Variants in CNTNAP5 observed in about 807,000 individuals in gnomAD.
CNTNAP5 encodes contactin-associated protein-like 5.
CNTNAP5 carries 72 observed loss-of-function variants against 150.2 expected under a neutral mutation model. The observed-to-expected ratio is 0.48, with a 90% CI of 0.40 to 0.58. The LOEUF (loss-of-function observed/expected upper bound fraction) is 0.58. CNTNAP5 is among the 20% of genes least tolerant of loss of function. CNTNAP5 has a pLI of 0.00. For missense variants in CNTNAP5, 1,636 were observed against 1,626.2 expected, an observed-to-expected ratio of 1.01 and a Z score of -0.10; for synonymous variants, 672 against 619.8, an observed-to-expected ratio of 1.08 and a Z score of -1.25.
intron 4 of CNTNAP5, among the ~76,000 whole-genome samples, chr2:124,430,204 A>G (rs1001480398): frequency 6.6e-6 from 1 of 152,152 alleles, no homozygotes; most frequent in African/African-American, 2.4e-5. Context: ...TGGGCAGCGC[A>G]TGGGAAAGAG....
chr2:124,842,769 G>A (rs1478869155), intron 19 of CNTNAP5, among the ~76,000 whole-genome samples: 2 of 152,094 alleles, frequency 1.3e-5, no homozygotes, highest in Non-Finnish European at 2.9e-5. Context: ...GAGTTTTCAA[G>A]GTTGTTTTTG....
intron 1 of CNTNAP5, among the ~76,000 whole-genome samples, chr2:124,217,255 T>C (rs894075342): frequency 2.0e-5 from 3 of 152,166 alleles, no homozygotes; most frequent in Non-Finnish European, 4.4e-5. Flanking sequence ...CAAATACCTA[T>C]CTTCAGACCC....
intron 3 of CNTNAP5, among the ~76,000 whole-genome samples, chr2:124,335,878 C>T (rs1689454874): frequency 6.6e-6 from 1 of 151,986 alleles, no homozygotes; most frequent in Admixed American, 6.6e-5. Context: ...CACCTTCTAC[C>T]TCACCCTCTG....
At chr2:124,770,606 T>C (rs948713173) in intron 16 of CNTNAP5, among the ~76,000 whole-genome samples, 13 of 152,224 alleles carry the variant, frequency 8.5e-5, no homozygotes, top group Non-Finnish European at 1.8e-4. Flanking sequence ...TGTGCAGGGC[T>C]GCCAGGTGGC....
rs939755754 is a variant in CNTNAP5, at chr2:124,025,544, G to T, written c.-107G>T. 9 of 907,778 alleles carry T rather than the reference G, an allele frequency of 9.9e-6. No homozygotes were observed. The African/African-American group carries it at 1.3e-4, about 13-fold the overall frequency. The allele number at this position is 907,778 out of a possible 1,614,324, so 56.2% of individuals were successfully genotyped here. A position where few individuals can be genotyped will look rare whatever the true frequency, so the allele number is the denominator to read the frequency against. ...AAGAGCGAGTGCCTCTCCAAGCGGG[G>T]GTGGGAGGGGGTCAGGCTGTGCAGA... On this transcript the variant is annotated 5_prime_UTR_variant, in exon 1 of 24. Coordinates refer to ENST00000682447, the MANE Select transcript of CNTNAP5 (RefSeq NM_001367498.1).
Position 124,920,208 on chromosome 2 carries a change from G to A in CNTNAP5, c.*5920G>A, listed in dbSNP as rs1020062737. Reference sequence around the variant, plus strand: ...GATTAACGCCTGGTCTTATTTTAACGAGTGTCATAGTCTTACATGCTTCAG... The same window carrying A: ...GATTAACGCCTGGTCTTATTTTAACAAGTGTCATAGTCTTACATGCTTCAG... On this transcript the variant is annotated 3_prime_UTR_variant, in exon 24 of 24. Transcript: ENST00000682447. Among the ~76,000 whole-genome samples the A allele has an allele frequency of 2.6e-5, 4 of 152,068 alleles. No individual in the cohort carries two copies. Among genetic ancestry groups the A allele is most frequent in the South Asian group, 2.1e-4 (1 of 4,830 alleles).
intron 1 of CNTNAP5, among the ~76,000 whole-genome samples, chr2:124,167,573 G>T (rs560923621): frequency 6.6e-6 from 1 of 152,236 alleles, no homozygotes; most frequent in Non-Finnish European, 1.5e-5. Flanking sequence ...TTTCACTACC[G>T]TGTACTCTCC....
At chr2:124,755,676 T>C (rs1024225737) in intron 14 of CNTNAP5, among the ~76,000 whole-genome samples, 1 of 152,192 alleles carries the variant, frequency 6.6e-6, no homozygotes, top group African/African-American at 2.4e-5. Flanking sequence ...GTCTGCATTT[T>C]TTAAAAGTGT....
At chr2:124,209,696 G>C (rs557002144) in intron 1 of CNTNAP5, among the ~76,000 whole-genome samples, 1 of 152,278 alleles carries the variant, frequency 6.6e-6, no homozygotes, top group East Asian at 1.9e-4. Flanking sequence ...GTAGGAAAGT[G>C]AGTAAGATGG....
chr2:124,734,924 G>A (rs1680351226), intron 13 of CNTNAP5, among the ~76,000 whole-genome samples: 2 of 152,264 alleles, frequency 1.3e-5, no homozygotes, highest in Middle Eastern at 6.8e-3. Context: ...AAATTTAGGT[G>A]TGTAAACTTG....
At chr2:124,329,040 T>C (rs1224383270) in intron 3 of CNTNAP5, among the ~76,000 whole-genome samples, 1 of 152,116 alleles carries the variant, frequency 6.6e-6, no homozygotes, top group Non-Finnish European at 1.5e-5. Flanking sequence ...TAGGCAACTT[T>C]GAAGGGTAAT....
intron 8 of CNTNAP5, among the ~76,000 whole-genome samples, chr2:124,514,234 C>G (rs981598748): frequency 6.6e-6 from 1 of 151,948 alleles, no homozygotes; most frequent in Non-Finnish European, 1.5e-5. Flanking sequence ...TTTAAGATAC[C>G]AAGCAAAGGT....
chr2:124,282,807 AG>A (rs1215296882), intron 3 of CNTNAP5, among the ~76,000 whole-genome samples: 1 of 152,128 alleles, frequency 6.6e-6, no homozygotes, highest in Non-Finnish European at 1.5e-5. Flanking sequence ...GGTAGTACAG[AG>A]GGTCTGAGAT....
At chr2:124,160,031 GA>G (rs1225830693) in intron 1 of CNTNAP5, among the ~76,000 whole-genome samples, 1 of 152,048 alleles carries the variant, frequency 6.6e-6, no homozygotes, top group Non-Finnish European at 1.5e-5. Context: ...TACACCAGAG[GA>G]ACAGACTCTC....
intron 13 of CNTNAP5, among the ~76,000 whole-genome samples, chr2:124,685,761 T>TGTGTGTGTGC (rs138014725): frequency 7.5e-6 from 1 of 133,818 alleles, no homozygotes; most frequent in African/African-American, 2.9e-5. Flanking sequence ...TGTGTGTGTG[T>TGTGTGTGTGC]GCGCGCGCGT....
At chr2:124,694,434 T>C (rs781598912) in intron 13 of CNTNAP5, among the ~76,000 whole-genome samples, 21 of 152,160 alleles carry the variant, frequency 1.4e-4, no homozygotes, top group Admixed American at 3.9e-4. Context: ...CTCTTTTCTA[T>C]AGTGAAATAT....
chr2:124,581,154 T>G (rs1696401582), intron 11 of CNTNAP5, among the ~76,000 whole-genome samples: 1 of 152,198 alleles, frequency 6.6e-6, no homozygotes, highest in African/African-American at 2.4e-5. Context: ...GAAACAAGGC[T>G]GGAAGTCACT....
intron 17 of CNTNAP5, among the ~76,000 whole-genome samples, chr2:124,780,353 C>T (rs1269094046): frequency 1.3e-5 from 2 of 152,162 alleles, no homozygotes; most frequent in African/African-American, 4.8e-5. Flanking sequence ...AGGACACACT[C>T]AATTGGTGTA....
At chr2:124,098,982 A>T (rs1288327052) in intron 1 of CNTNAP5, among the ~76,000 whole-genome samples, 3 of 149,838 alleles carry the variant, frequency 2.0e-5, no homozygotes, top group African/African-American at 7.6e-5. Flanking sequence ...TTATTGACAA[A>T]TTCCTATTAC....
Sources: gnomAD v4.1 joint callset for allele counts (sites outside exome capture counted in the v4.1 genomes callset) on GRCh38, gnomAD v4.1.1 for gene constraint, MANE v1.5 for transcripts, NCBI Gene and HGNC (gene_info 2026-07-23, HGNC 2026-07-21) for gene names.